Variants in PWWP3A observed in about 807,000 individuals in gnomAD.
PWWP3A encodes PWWP domain-containing DNA repair factor 3A.
A neutral mutation model predicts 79.0 loss-of-function variants in PWWP3A; 53 were observed. That is an observed-to-expected ratio of 0.67 (90% CI 0.54 to 0.84). PWWP3A has a LOEUF of 0.84. PWWP3A is among the 40% of genes least tolerant of loss of function. The probability of loss-of-function intolerance (pLI) is 0.00; values close to 1 mark genes in which losing one functional copy is unlikely to be tolerated. For synonymous variants in PWWP3A, 443 were observed against 394.4 expected (o/e 1.12, Z -1.46); for missense variants, 973 against 948.0 (o/e 1.03, Z -0.35).
At chr19:1,357,399 CTTTTT>C (rs66856576) in intron 3 of PWWP3A, 13 of 128,028 alleles carry the variant, frequency 1.0e-4, no homozygotes, top group African/African-American at 2.7e-4. Flanking sequence ...GGGATATTTC[CTTTTT>C]TTTTTTTTTT....
At chr19:1,366,417 G>A (rs751704455) in intron 8 of PWWP3A, 36 bp downstream of exon 8, 8 of 1,596,248 alleles carry the variant, frequency 5.0e-6, no homozygotes, top group Middle Eastern at 1.7e-4. Context: ...GAATGGGCCT[G>A]AGGGGCCAGG....
In PWWP3A at chr19:1,369,848, G is replaced by A. The variant is rs184733607; in HGVS notation, c.1549+202G>A. 7.6e-4 allele frequency among the ~76,000 whole-genome samples: 116 copies of A among 152,300 alleles called. 1 individual carries two copies. In the East Asian group the frequency reaches 0.016, roughly 22 times the overall value. On this transcript the variant is annotated intron_variant, in intron 11 of 13. Transcript: ENST00000591337. This position sits in a 1 kb window ranked among gnomAD's most constrained non-coding sequence, Gnocchi z 4.0. ...GGGGCTGCTGGTGTCCACTGGCACAGCATCCCGAGCCTGCCCTGGGGCCCT... is the reference window on the plus strand; with the variant it reads ...GGGGCTGCTGGTGTCCACTGGCACAACATCCCGAGCCTGCCCTGGGGCCCT...
chr19:1,355,339 T>C (rs922788064), intron 1 of PWWP3A, among the ~76,000 whole-genome samples: 2 of 151,614 alleles, frequency 1.3e-5, no homozygotes, highest in Non-Finnish European at 2.9e-5. Context: ...CCTTTTCCCG[T>C]CCCTGCCGCC....
chr19:1,363,519 C>T (rs2082065359), intron 6 of PWWP3A, among the ~76,000 whole-genome samples: 1 of 152,168 alleles, frequency 6.6e-6, no homozygotes, highest in South Asian at 2.1e-4. Context: ...CGGGAAGGGC[C>T]CTTTCCGACC....
intron 12 of PWWP3A, 85 bp downstream of exon 12, chr19:1,371,163 C>T: frequency 1.4e-6 from 2 of 1,456,316 alleles, no homozygotes; most frequent in Non-Finnish European, 1.9e-6. Context: ...CTGCCACGGT[C>T]CTCGCCCCTG....
At chr19:1,371,327 C>T in intron 12 of PWWP3A, 1 of 707,678 alleles carries the variant, frequency 1.4e-6, no homozygotes, top group Admixed American at 2.0e-5. Flanking sequence ...TAGAAGCTGT[C>T]AGCACCAGGG....
In PWWP3A at chr19:1,377,161, C is replaced by CA. The variant is rs1369205203; in HGVS notation, c.*586dup. On this transcript the variant is annotated 3_prime_UTR_variant, in exon 14 of 14. Coordinates refer to ENST00000591337, the MANE Select transcript of PWWP3A (RefSeq NM_001369789.1). Reference sequence around the variant, plus strand: ...CTCTGTGTCGTGTTTGCTGTGGCCGCAGGGAGAGGAGCAGGACACGCACCT... The same window carrying CA: ...CTCTGTGTCGTGTTTGCTGTGGCCGCAAGGGAGAGGAGCAGGACACGCACCT... The CA allele has an allele frequency of 1.3e-5, 2 of 152,502 alleles. No homozygotes were observed. Among genetic ancestry groups the CA allele is most frequent in the Admixed American group, 1.3e-4 (2 of 15,262 alleles). 9.4% of individuals were successfully genotyped at this position (152,502 alleles called of 1,614,324 possible).
intron 3 of PWWP3A, 110 bp downstream of exon 3, chr19:1,357,204 T>C (rs1345592885): frequency 6.8e-6 from 5 of 736,382 alleles, no homozygotes; most frequent in Non-Finnish European, 9.1e-6. Flanking sequence ...AATGGGCTTA[T>C]TCACCATTTG....
chr19:1,365,191 G>C (rs1312387211), intron 7 of PWWP3A, among the ~76,000 whole-genome samples: 2 of 152,230 alleles, frequency 1.3e-5, no homozygotes, highest in African/African-American at 2.4e-5. Flanking sequence ...CACCCCATGA[G>C]AGCTCATTAA....
At chr19:1,357,274 A>C (rs949592662) in intron 3 of PWWP3A, 180 bp downstream of exon 3, 1 of 542,998 alleles carries the variant, frequency 1.8e-6, no homozygotes, top group Non-Finnish European at 3.3e-6. Flanking sequence ...ATTTTATGTC[A>C]GTTTGGAAGC....
chr19:1,371,805 C>CTT (rs1237018248), intron 12 of PWWP3A, among the ~76,000 whole-genome samples: 156 of 127,686 alleles, frequency 1.2e-3, no homozygotes, highest in African/African-American at 1.4e-3. Flanking sequence ...AACCCTCAAG[C>CTT]TTTTTTTTTT....
intron 6 of PWWP3A, 101 bp downstream of exon 6, chr19:1,362,452 C>A: frequency 1.2e-6 from 1 of 842,662 alleles, no homozygotes; most frequent in Non-Finnish European, 1.9e-6. Flanking sequence ...TGAAAGGTCT[C>A]CTGCGAGTTC....
At chr19:1,357,399 C>CTTTTT (rs66856576) in intron 3 of PWWP3A, 7 of 127,992 alleles carry the variant, frequency 5.5e-5, no homozygotes, top group Admixed American at 1.7e-4. Flanking sequence ...GGGATATTTC[C>CTTTTT]TTTTTTTTTT....
Position 1,369,287 on chromosome 19 carries a change from A to T in PWWP3A, c.1445A>T (p.Asn482Ile). The change falls in exon 10 of 14, where the codon AAC becomes ATC. Residue 482 changes from asparagine (N) to isoleucine (I), a missense_variant. Asn to Ile is a moderately radical substitution (Grantham distance 149). Transcript: ENST00000591337. This position sits in a 1 kb window ranked among gnomAD's most constrained non-coding sequence, Gnocchi z 4.0. Reference sequence around the variant, plus strand: ...TAGAATCAAGCCAGGGAGGACTTCAACCAGGACATCGGCTGGTGTGTCTCC... The same window carrying T: ...TAGAATCAAGCCAGGGAGGACTTCATCCAGGACATCGGCTGGTGTGTCTCC... ...TLLNQAREDFNQDIGWCVSLI... is the reference protein window; with the variant it reads ...TLLNQAREDFIQDIGWCVSLI... The T allele has an allele frequency of 1.2e-6, 2 of 1,614,116 alleles. No individual in the cohort carries two copies. Among genetic ancestry groups the T allele is most frequent in the Non-Finnish European group, 1.7e-6 (2 of 1,180,010 alleles).
At chr19:1,374,109 C>T (rs2082316160) in intron 13 of PWWP3A, 1 of 152,212 alleles carries the variant, frequency 6.6e-6, no homozygotes, top group South Asian at 2.1e-4. Context: ...CTGGACCCAG[C>T]CTGCTGGTTT....
chr19:1,355,638 C>A (rs1014335724), intron 1 of PWWP3A, among the ~76,000 whole-genome samples: 1 of 144,642 alleles, frequency 6.9e-6, no homozygotes, highest in African/African-American at 2.6e-5. Flanking sequence ...CGCAACCCTT[C>A]CTCCGCCATG....
At position 1,357,019 on chromosome 19, in the gene PWWP3A, G is replaced by A. The variant is rs535829267; in HGVS notation, c.68G>A (p.Arg23Gln). 520 of 1,612,968 alleles carry A rather than the reference G, an allele frequency of 3.2e-4. 7 individuals carry two copies. In the South Asian group the frequency reaches 5.4e-3, roughly 17 times the overall value. Residue 23 changes from arginine (R) to glutamine (Q), a missense_variant, in exon 3 of 14, where the codon CGA becomes CAA. Transcript: ENST00000591337. Reference protein sequence around the residue: ...KRLWPAKVLARTATSTKNKRR... With the variant: ...KRLWPAKVLAQTATSTKNKRR... ...TTGTTTTAAATGTAGGTTTTGGCCCGAACCGCGACTTCAACAAAAAATAAG... is the reference window on the plus strand; with the variant it reads ...TTGTTTTAAATGTAGGTTTTGGCCCAAACCGCGACTTCAACAAAAAATAAG...
In PWWP3A at chr19:1,360,200, G is replaced by C; in HGVS notation, c.279G>C (p.Val93=). 4 of 1,609,230 alleles carry C rather than the reference G, an allele frequency of 2.5e-6. No homozygotes were observed. The highest frequency in any genetic ancestry group is 3.4e-6 in the Non-Finnish European group (4 of 1,178,030). Residue 93 remains valine (V), a synonymous_variant, in exon 5 of 14, where the codon GTG becomes GTC. Coordinates refer to ENST00000591337, the MANE Select transcript of PWWP3A (RefSeq NM_001369789.1). The surrounding 1 kb of genome is among the most constrained non-coding windows in gnomAD (Gnocchi z 4.4). ...EELAYRRSLR[V]ALDVLSEGSI... Reference sequence around the variant, plus strand: ...TGGCCTACAGACGGTCGCTTCGCGTGGCTCTGGACGTTCTGAGCGAGGGCT... The same window carrying C: ...TGGCCTACAGACGGTCGCTTCGCGTCGCTCTGGACGTTCTGAGCGAGGGCT...
chr19:1,374,155 T>TCCACGCC (rs929378121), intron 13 of PWWP3A: 8 of 152,052 alleles, frequency 5.3e-5, no homozygotes, highest in African/African-American at 1.9e-4. Flanking sequence ...TCTTCACCGC[T>TCCACGCC]CCACGCCCAT....
Sources: gnomAD v4.1 joint callset for allele counts (sites outside exome capture counted in the v4.1 genomes callset) on GRCh38, gnomAD v4.1.1 for gene constraint, Gnocchi (gnomAD v3.1) non-coding constraint, MANE v1.5 for transcripts, NCBI Gene and HGNC (gene_info 2026-07-23, HGNC 2026-07-21) for gene names.